The following ATP11A variants were observed in gnomAD, a reference collection of about 807,000 sequenced individuals.
The protein encoded by ATP11A is phospholipid-transporting ATPase IH.
Under a neutral mutation model 154.4 loss-of-function variants are expected in ATP11A, and 81 were observed. The observed-to-expected ratio is 0.52, with a 90% CI of 0.44 to 0.63. The LOEUF (loss-of-function observed/expected upper bound fraction) is 0.63. Among genes scored for constraint, ATP11A ranks in the 30% least tolerant of loss-of-function variants. The probability of loss-of-function intolerance (pLI) is 0.00; values close to 1 mark genes in which losing one functional copy is unlikely to be tolerated. For missense variants in ATP11A, 1,316 were observed against 1,474.3 expected, an observed-to-expected ratio of 0.89 and a Z score of 1.76; for synonymous variants, 623 against 585.9, an observed-to-expected ratio of 1.06 and a Z score of -0.91.
At chr13:112,805,453 G>A (rs1036720856) in intron 3 of ATP11A, among the ~76,000 whole-genome samples, 4 of 152,160 alleles carry the variant, frequency 2.6e-5, no homozygotes, top group African/African-American at 4.8e-5. Flanking sequence ...CACTCTGGGA[G>A]GATCACGAGG....
chr13:112,801,825 C>T (rs939434621), intron 2 of ATP11A, among the ~76,000 whole-genome samples: 1 of 152,160 alleles, frequency 6.6e-6, no homozygotes, highest in African/African-American at 2.4e-5. Context: ...GATGGGAAAA[C>T]TCCATGTTTT....
At chr13:112,801,806 A>G (rs1322612391) in intron 2 of ATP11A, among the ~76,000 whole-genome samples, 1 of 152,232 alleles carries the variant, frequency 6.6e-6, no homozygotes, top group Non-Finnish European at 1.5e-5. Flanking sequence ...GAGATGTTCC[A>G]TGTTCATGGA....
rs370166748 is a variant in ATP11A at position 112,836,295 on chromosome 13, G to C, written c.1705+44G>C. Reference sequence around the variant, plus strand: ...TTGATTTATTAAGTTATACGTGGTGGTTGTGTTTTATTCTGATGACTAAAT... The same window carrying C: ...TTGATTTATTAAGTTATACGTGGTGCTTGTGTTTTATTCTGATGACTAAAT... On this transcript the variant is annotated intron_variant, in intron 16 of 29. Coordinates refer to ENST00000375645, the MANE Select transcript of ATP11A (RefSeq NM_015205.3). 1.2e-4 allele frequency: 155 copies of C among 1,285,884 alleles called. 2 individuals are homozygous for C. In the South Asian group the frequency reaches 1.6e-3, roughly 13 times the overall value. 79.7% of individuals were successfully genotyped at this position (1,285,884 alleles called of 1,614,324 possible).
intron 1 of ATP11A, among the ~76,000 whole-genome samples, chr13:112,708,981 A>ACT (rs1326892501): frequency 6.6e-5 from 10 of 151,808 alleles, no homozygotes. Flanking sequence ...TCCAGGGTAG[A>ACT]CTCCGGGAGG....
intron 4 of ATP11A, among the ~76,000 whole-genome samples, chr13:112,809,995 G>A (rs1040647990): frequency 1.3e-5 from 2 of 152,208 alleles, no homozygotes; most frequent in African/African-American, 2.4e-5. Context: ...GTGCGTGCAC[G>A]GGAGTCACGA....
At chr13:112,842,465 G>A in intron 17 of ATP11A, 86 bp downstream of exon 17, 1 of 1,008,436 alleles carries the variant, frequency 9.9e-7, no homozygotes, top group Non-Finnish European at 1.5e-6. Flanking sequence ...TTCCTGGCTG[G>A]GAATGGCGTA....
At chr13:112,801,641 A>G (rs8002914) in intron 2 of ATP11A, among the ~76,000 whole-genome samples, 58,965 of 152,164 alleles carry the variant, frequency 0.39, 11,855 homozygotes, top group Non-Finnish European at 0.43. Context: ...TATGCCAGCA[A>G]TGAACAGTTG....
chr13:112,747,640 G>A (rs941725977), intron 1 of ATP11A, among the ~76,000 whole-genome samples: 4 of 152,090 alleles, frequency 2.6e-5, no homozygotes, highest in Non-Finnish European at 5.9e-5. Context: ...GTTCGAGACC[G>A]GCCTGGCCAA....
chr13:112,700,743 A>C (rs914016), intron 1 of ATP11A, among the ~76,000 whole-genome samples: 125,839 of 152,170 alleles, frequency 0.83, 52,546 homozygotes, highest in East Asian at 0.95. Context: ...CCACTCCAAC[A>C]TGCGGTCTCA....
In ATP11A at chr13:112,819,858, G is replaced by A. The variant is rs200308371; in HGVS notation, c.675-42G>A. The A allele has an allele frequency of 1.1e-5, 18 of 1,612,218 alleles. 1 individual carries two copies. Among genetic ancestry groups the A allele is most frequent in the Middle Eastern group, 3.3e-4 (2 of 6,042 alleles). Reference sequence around the variant, plus strand: ...GCCAGGCGCGCGCTTCCCGGGGGCCGCTGGGCGCGTCCGGTCAGTAACGTG... The same window carrying A: ...GCCAGGCGCGCGCTTCCCGGGGGCCACTGGGCGCGTCCGGTCAGTAACGTG... On this transcript the variant is annotated intron_variant, in intron 7 of 29. Coordinates refer to ENST00000375645, the MANE Select transcript of ATP11A (RefSeq NM_015205.3).
intron 17 of ATP11A, among the ~76,000 whole-genome samples, chr13:112,844,519 C>T (rs1822301092): frequency 6.6e-6 from 1 of 152,224 alleles, no homozygotes; most frequent in South Asian, 2.1e-4. Context: ...CTGGAGACCA[C>T]CGCTCCACTC....
At chr13:112,726,089 G>T (rs1889849167) in intron 1 of ATP11A, among the ~76,000 whole-genome samples, 1 of 152,402 alleles carries the variant, frequency 6.6e-6, no homozygotes, top group Middle Eastern at 3.4e-3. Flanking sequence ...AAAAGAGGAG[G>T]CTTCTCTGAA....
At chr13:112,790,498 G>T (rs1347159344) in intron 2 of ATP11A, among the ~76,000 whole-genome samples, 1 of 147,016 alleles carries the variant, frequency 6.8e-6, no homozygotes, top group Non-Finnish European at 1.5e-5. Flanking sequence ...CACACCGGGT[G>T]TCCTGATGTG....
At position 112,757,428 on chromosome 13, in the gene ATP11A, T is replaced by A. The variant is rs78410615; in HGVS notation, c.40-27707T>A. Among the ~76,000 whole-genome samples, 99 of 152,404 alleles carry A rather than the reference T, an allele frequency of 6.5e-4. 2 individuals carry two copies. The East Asian group carries it at 0.017, about 26-fold the overall frequency. ...TCACGACTTCCTCTTATGTCGGTGT[T>A]AATTACTGTCACAGGTATTTGCGAA... On this transcript the variant is annotated intron_variant, in intron 1 of 29. Transcript: ENST00000375645.
At chr13:112,762,845 C>T (rs546323727) in intron 1 of ATP11A, among the ~76,000 whole-genome samples, 12 of 152,360 alleles carry the variant, frequency 7.9e-5, no homozygotes, top group African/African-American at 2.6e-4. Flanking sequence ...GGCCGGGGCA[C>T]TCAGTCACGT....
At chr13:112,778,856 G>A (rs2077417849) in intron 1 of ATP11A, among the ~76,000 whole-genome samples, 1 of 73,808 alleles carries the variant, frequency 1.4e-5, no homozygotes, top group East Asian at 4.2e-4. Context: ...AGCCGCTGGA[G>A]TGAGGAGTAG....
intron 1 of ATP11A, among the ~76,000 whole-genome samples, chr13:112,738,290 T>C (rs1351781951): frequency 1.3e-5 from 2 of 152,036 alleles, no homozygotes; most frequent in African/African-American, 4.8e-5. Context: ...GGAGAATTGC[T>C]TGCACCCAGG....
At position 112,697,327 on chromosome 13, in the gene ATP11A, G is replaced by A. The variant is rs1274621266; in HGVS notation, c.39+6872G>A. ...ACGCCACCCAGCCGTGTTCATTTCC[G>A]TGTTCCAGTGTCACCCGTGTGCCTA... On this transcript the variant is annotated intron_variant, in intron 1 of 29. Coordinates refer to ENST00000375645, the MANE Select transcript of ATP11A (RefSeq NM_015205.3). This position sits in a 1 kb window ranked among gnomAD's most constrained non-coding sequence, Gnocchi z 4.0. 1.3e-5 allele frequency among the ~76,000 whole-genome samples: 2 copies of A among 152,200 alleles called. No homozygotes were observed. The highest frequency in any genetic ancestry group is 2.9e-5 in the Non-Finnish European group (2 of 68,014).
intron 25 of ATP11A, among the ~76,000 whole-genome samples, chr13:112,863,895 C>A (rs1289441303): frequency 2.2e-5 from 2 of 89,770 alleles, no homozygotes; most frequent in East Asian, 7.5e-4. Context: ...TCACCACCTG[C>A]GCAGTAATTC....
Sources: allele counts gnomAD v4.1 joint callset (sites outside exome capture counted in the v4.1 genomes callset), GRCh38; gene constraint gnomAD v4.1.1; non-coding constraint Gnocchi (gnomAD v3.1); transcripts MANE v1.5; gene names NCBI Gene and HGNC (gene_info 2026-07-23, HGNC 2026-07-21).